The following PTPRT variants were observed in gnomAD, a reference collection of about 807,000 sequenced individuals.
The protein encoded by PTPRT is protein tyrosine phosphatase receptor type T.
A neutral mutation model predicts 176.8 loss-of-function variants in PTPRT; 56 were observed. The ratio of observed to expected loss-of-function variants is 0.32; its 90% CI spans 0.26 to 0.40. The LOEUF (loss-of-function observed/expected upper bound fraction) is 0.40. Among genes scored for constraint, PTPRT ranks in the 10% least tolerant of loss-of-function variants. The pLI is 1.00. For synonymous variants in PTPRT, 783 were observed against 739.0 expected, an observed-to-expected ratio of 1.06 and a Z score of -0.96; for missense variants, 1,540 against 1,908.2, an observed-to-expected ratio of 0.81 and a Z score of 3.60.
intron 9 of PTPRT, among the ~76,000 whole-genome samples, chr20:42,389,964 G>T (rs150528919): frequency 2.6e-5 from 4 of 151,910 alleles, no homozygotes; most frequent in African/African-American, 9.7e-5. Flanking sequence ...GCAAGAAGGC[G>T]CTAAACTGTG....
intron 7 of PTPRT, among the ~76,000 whole-genome samples, chr20:42,523,844 G>C (rs2072221453): frequency 6.6e-6 from 1 of 151,860 alleles, no homozygotes; most frequent in Non-Finnish European, 1.5e-5. Context: ...ATTGTAGCCA[G>C]GCACAGTGAC....
intron 1 of PTPRT, among the ~76,000 whole-genome samples, chr20:42,928,042 T>C (rs1430133978): frequency 6.6e-6 from 1 of 152,136 alleles, no homozygotes; most frequent in Non-Finnish European, 1.5e-5. Flanking sequence ...GCAGCAGTTG[T>C]GAGTACAAAC....
At chr20:42,150,376 A>C (rs1033502767) in intron 17 of PTPRT, among the ~76,000 whole-genome samples, 1 of 152,138 alleles carries the variant, frequency 6.6e-6, no homozygotes, top group Non-Finnish European at 1.5e-5. Flanking sequence ...GGGTGCAGCA[A>C]AACCAGGCCA....
chr20:42,249,415 A>G (rs997783632), intron 13 of PTPRT, among the ~76,000 whole-genome samples: 1 of 152,242 alleles, frequency 6.6e-6, no homozygotes, highest in Non-Finnish European at 1.5e-5. Context: ...AGCATTTAAT[A>G]CTAATGCAAC....
At chr20:42,329,306 T>A (rs994249484) in intron 11 of PTPRT, among the ~76,000 whole-genome samples, 2 of 152,142 alleles carry the variant, frequency 1.3e-5, no homozygotes, top group African/African-American at 4.8e-5. Flanking sequence ...TAAAAATTCA[T>A]AGGGAAACAT....
chr20:42,270,365 C>T, intron 13 of PTPRT: 13 of 1,124,342 alleles, frequency 1.2e-5, no homozygotes, highest in Non-Finnish European at 1.7e-5. Context: ...GGCAACTCTC[C>T]CCTCCCACCC....
At position 42,446,652 on chromosome 20, in the gene PTPRT, TTACA is replaced by T. The variant is rs2070739117; in HGVS notation, c.1560+1564_1560+1567del. ...AGAGAGAGAGATTGTGGTTTCTGCT[TTACA>T]AAGAACATGTAGATTTGAAGTGACT... On this transcript the variant is annotated intron_variant, in intron 9 of 30. Transcript: ENST00000373187. Among the ~76,000 whole-genome samples the T allele has an allele frequency of 3.6e-5, 5 of 139,688 alleles. 1 individual carries two copies. Among genetic ancestry groups the T allele is most frequent in the Admixed American group, 1.5e-4 (2 of 13,764 alleles). The allele number at this position is 139,688 out of a possible 152,430, so 91.6% of individuals were successfully genotyped here.
At chr20:42,394,160 C>A (rs1397253077) in intron 9 of PTPRT, among the ~76,000 whole-genome samples, 2 of 151,980 alleles carry the variant, frequency 1.3e-5, no homozygotes, top group Admixed American at 1.3e-4. Flanking sequence ...CTCTCCCCGG[C>A]CCTCTTCTTC....
chr20:42,616,803 T>G (rs1285974162), intron 7 of PTPRT, among the ~76,000 whole-genome samples: 2 of 137,208 alleles, frequency 1.5e-5, no homozygotes, highest in African/African-American at 6.4e-5. Flanking sequence ...CCTGAGAATT[T>G]GCTGAAGTTG....
chr20:42,413,135 C>G (rs1289004121), intron 9 of PTPRT, among the ~76,000 whole-genome samples: 1 of 152,018 alleles, frequency 6.6e-6, no homozygotes, highest in Non-Finnish European at 1.5e-5. Flanking sequence ...GATATTTTTG[C>G]CCAACCCTAC....
intron 1 of PTPRT, among the ~76,000 whole-genome samples, chr20:42,896,275 G>T (rs1184151399): frequency 4.6e-5 from 7 of 152,034 alleles, no homozygotes; most frequent in Admixed American, 3.9e-4. Flanking sequence ...CTCCAAGATA[G>T]GTCCACCTAC....
chr20:42,460,090 T>C (rs944124095), intron 8 of PTPRT, among the ~76,000 whole-genome samples: 1 of 152,198 alleles, frequency 6.6e-6, no homozygotes, highest in Non-Finnish European at 1.5e-5. Context: ...TGAATGTGTT[T>C]AATTCCACGG....
intron 1 of PTPRT, among the ~76,000 whole-genome samples, chr20:43,183,241 T>C (rs1248883544): frequency 6.6e-6 from 1 of 152,214 alleles, no homozygotes; most frequent in African/African-American, 2.4e-5. Context: ...GCTTTGCAAA[T>C]TGCTAATACA....
intron 16 of PTPRT, among the ~76,000 whole-genome samples, chr20:42,166,325 A>G (rs1246148035): frequency 6.6e-6 from 1 of 152,224 alleles, no homozygotes; most frequent in African/African-American, 2.4e-5. Flanking sequence ...ACTGTTCAAT[A>G]TGGTAGTCAC....
chr20:42,767,352 G>C (rs529337936), intron 5 of PTPRT, among the ~76,000 whole-genome samples: 2 of 152,206 alleles, frequency 1.3e-5, no homozygotes, highest in South Asian at 4.1e-4. Context: ...GAACAGAAAA[G>C]CAGGGGAAGA....
At chr20:43,051,828 A>T (rs1405288747) in intron 1 of PTPRT, among the ~76,000 whole-genome samples, 1 of 152,168 alleles carries the variant, frequency 6.6e-6, no homozygotes, top group East Asian at 1.9e-4. Context: ...CGAGGTAGAT[A>T]AGTAAAATCC....
intron 2 of PTPRT, among the ~76,000 whole-genome samples, chr20:42,871,863 G>A (rs142167961): frequency 4.0e-4 from 61 of 152,226 alleles, no homozygotes; most frequent in African/African-American, 1.3e-3. Flanking sequence ...AATGGTTTCC[G>A]TTTTCCTACC....
chr20:42,441,605 G>C (rs79754749), intron 9 of PTPRT, among the ~76,000 whole-genome samples: 20,133 of 152,240 alleles, frequency 0.13, 1,505 homozygotes, highest in Middle Eastern at 0.19. Context: ...AGTGTGGAAG[G>C]GGGTGGGCAG....
Position 42,083,118 on chromosome 20 carries a change from C to CAAAAAAAAAAAAA in PTPRT, c.4137-1114_4137-1102dup, listed in dbSNP as rs3084622. Among the ~76,000 whole-genome samples, 3 of 60,068 alleles carry CAAAAAAAAAAAAA rather than the reference C, an allele frequency of 5.0e-5. 1 individual carries two copies. The highest frequency in any genetic ancestry group is 8.1e-5 in the Non-Finnish European group (3 of 37,222). 39.4% of individuals were successfully genotyped at this position (60,068 alleles called of 152,430 possible). The stretch of plus-strand genomic sequence containing the variant: ...GGACATAGATAAAAAGACACTAGTG[C>CAAAAAAAAAAAAA]AAAAAAAAAAAAAAAAAAGCAGGCT... On this transcript the variant is annotated intron_variant, in intron 29 of 30. Transcript: ENST00000373187.
Sources: allele counts gnomAD v4.1 joint callset (sites outside exome capture counted in the v4.1 genomes callset), GRCh38; gene constraint gnomAD v4.1.1; transcripts MANE v1.5; gene names NCBI Gene and HGNC (gene_info 2026-07-23, HGNC 2026-07-21).